PPFIA2: variants seen among roughly 807,000 people sequenced by gnomAD.
The protein encoded by PPFIA2 is liprin-alpha-2.
A neutral mutation model predicts 175.5 loss-of-function variants in PPFIA2; 46 were observed. The ratio of observed to expected loss-of-function variants is 0.26; its 90% CI spans 0.21 to 0.34. The LOEUF (loss-of-function observed/expected upper bound fraction) is 0.34. Ranked by LOEUF, PPFIA2 falls within the 10% of genes least tolerant of loss-of-function variation. PPFIA2 has a pLI of 1.00. For missense variants in PPFIA2, 1,179 were observed against 1,506.1 expected (o/e 0.78, Z 3.60); for synonymous variants, 568 against 511.4 (o/e 1.11, Z -1.49).
intron 22 of PPFIA2, among the ~76,000 whole-genome samples, chr12:81,307,389 A>C (rs1489474110): frequency 1.3e-5 from 2 of 152,202 alleles, no homozygotes; most frequent in Non-Finnish European, 2.9e-5. Flanking sequence ...CAATGTTGAC[A>C]ATCACCTAGG....
intron 14 of PPFIA2, among the ~76,000 whole-genome samples, chr12:81,364,511 G>A (rs2032388101): frequency 6.6e-6 from 1 of 151,768 alleles, no homozygotes; most frequent in African/African-American, 2.4e-5. Flanking sequence ...TGCCTTCCAA[G>A]TAGTTAGGAG....
intron 24 of PPFIA2, among the ~76,000 whole-genome samples, chr12:81,285,289 C>G (rs1593861821): frequency 6.6e-6 from 1 of 152,014 alleles, no homozygotes; most frequent in South Asian, 2.1e-4. Context: ...AAATTTACAT[C>G]CTATATATTA....
intron 21 of PPFIA2, among the ~76,000 whole-genome samples, chr12:81,329,901 T>C (rs1448697288): frequency 6.6e-6 from 1 of 152,224 alleles, no homozygotes; most frequent in Non-Finnish European, 1.5e-5. Flanking sequence ...CTTGCCCAGA[T>C]GGCACTGCCA....
At chr12:81,262,751 CTTGT>C (rs1268603986) in intron 31 of PPFIA2, among the ~76,000 whole-genome samples, 5 of 152,068 alleles carry the variant, frequency 3.3e-5, no homozygotes, top group Admixed American at 6.6e-5. Flanking sequence ...ATGTTCATGG[CTTGT>C]TTATTTAAGG....
At chr12:81,668,271 C>G (rs965863196) in intron 4 of PPFIA2, among the ~76,000 whole-genome samples, 1 of 152,002 alleles carries the variant, frequency 6.6e-6, no homozygotes, top group African/African-American at 2.4e-5. Flanking sequence ...ATCAGTCTGG[C>G]CCATGGGAAG....
chr12:81,527,386 A>G (rs2063854861), intron 4 of PPFIA2, among the ~76,000 whole-genome samples: 1 of 152,034 alleles, frequency 6.6e-6, no homozygotes, highest in African/African-American at 2.4e-5. Flanking sequence ...GCTTCTGTTT[A>G]GAGTAAAATT....
At chr12:81,737,776 A>G (rs1009948117) in intron 3 of PPFIA2, among the ~76,000 whole-genome samples, 5 of 152,030 alleles carry the variant, frequency 3.3e-5, no homozygotes, top group Non-Finnish European at 5.9e-5. Flanking sequence ...AGAGAAAATT[A>G]GTGAACTAAA....
chr12:81,343,579 G>A (rs1387066250), intron 19 of PPFIA2, among the ~76,000 whole-genome samples: 8 of 151,876 alleles, frequency 5.3e-5, no homozygotes, highest in Admixed American at 1.3e-4. Context: ...CCAATGTTTG[G>A]GTGTAAGCTG....
intron 22 of PPFIA2, among the ~76,000 whole-genome samples, chr12:81,310,819 A>G (rs1302044888): frequency 1.3e-5 from 2 of 152,142 alleles, no homozygotes; most frequent in Non-Finnish European, 2.9e-5. Flanking sequence ...TACATCACCA[A>G]GTCATTTTGG....
intron 22 of PPFIA2, among the ~76,000 whole-genome samples, chr12:81,316,916 C>T (rs989692290): frequency 6.7e-6 from 1 of 150,212 alleles, no homozygotes; most frequent in African/African-American, 2.4e-5. Context: ...CCAAGGAAAA[C>T]TGGGCTCTGG....
chr12:81,598,561 C>T (rs1029170514), intron 4 of PPFIA2, among the ~76,000 whole-genome samples: 3 of 151,962 alleles, frequency 2.0e-5, no homozygotes, highest in Non-Finnish European at 2.9e-5. Context: ...TGTTTTATCA[C>T]TCTTATTTCT....
At chr12:81,370,567 C>T (rs2034818396) in intron 11 of PPFIA2, among the ~76,000 whole-genome samples, 1 of 151,770 alleles carries the variant, frequency 6.6e-6, no homozygotes, top group African/African-American at 2.4e-5. Context: ...GGGGCCAATC[C>T]CAAACTGTTC....
At position 81,307,711 on chromosome 12, in the gene PPFIA2, C is replaced by G. The variant is rs1384595190; in HGVS notation, c.2643-8329G>C. Among the ~76,000 whole-genome samples the G allele has an allele frequency of 5.3e-5, 8 of 152,236 alleles. No homozygotes were observed. The East Asian group carries it at 1.5e-3, about 29-fold the overall frequency. On this transcript the variant is annotated intron_variant, in intron 22 of 32. Transcript: ENST00000549396. Reference sequence around the variant, plus strand: ...CCTAAACACAAATCTTTTTGTAAGACTCACCTGTTTAAAAGCCTCCCTGAC... The same window carrying G: ...CCTAAACACAAATCTTTTTGTAAGAGTCACCTGTTTAAAAGCCTCCCTGAC...
chr12:81,374,008 T>C (rs2035803928), intron 11 of PPFIA2, among the ~76,000 whole-genome samples: 1 of 152,104 alleles, frequency 6.6e-6, no homozygotes, highest in Non-Finnish European at 1.5e-5. Flanking sequence ...GAGGTCAGAA[T>C]AGTTCTTTTT....
intron 8 of PPFIA2, among the ~76,000 whole-genome samples, chr12:81,384,978 G>A (rs957272647): frequency 2.6e-5 from 4 of 151,834 alleles, no homozygotes; most frequent in African/African-American, 4.8e-5. Flanking sequence ...GCTAAAGTCC[G>A]AAATATATAA....
chr12:81,542,397 G>A (rs1170455438), intron 4 of PPFIA2, among the ~76,000 whole-genome samples: 3 of 152,122 alleles, frequency 2.0e-5, no homozygotes, highest in Admixed American at 6.6e-5. Context: ...AATTTATATC[G>A]TTTTAAGCCA....
rs1383052661 is a variant in PPFIA2, at chr12:81,258,109, T to A, written c.*1585A>T. 1.3e-5 allele frequency: 2 copies of A among 152,006 alleles called. No homozygotes were observed. Among genetic ancestry groups the A allele is most frequent in the Non-Finnish European group, 2.9e-5 (2 of 67,982 alleles). The allele number at this position is 152,006 out of a possible 1,614,324, so 9.4% of individuals were successfully genotyped here. On this transcript the variant is annotated 3_prime_UTR_variant, in exon 33 of 33. Coordinates refer to ENST00000549396, the MANE Select transcript of PPFIA2 (RefSeq NM_003625.5). ...CTCAGGCCACATTTTTAGAAAAAAA[T>A]TTTAAGATCACTCCCATAAGCAAGT...
intron 7 of PPFIA2, among the ~76,000 whole-genome samples, chr12:81,435,110 A>G (rs942006245): frequency 3.9e-5 from 6 of 152,206 alleles, no homozygotes; most frequent in Non-Finnish European, 5.9e-5. Context: ...ACTTTATTAC[A>G]TTAATGTGCC....
At chr12:81,757,190 C>A (rs977633083) in intron 2 of PPFIA2, among the ~76,000 whole-genome samples, 3 of 152,010 alleles carry the variant, frequency 2.0e-5, no homozygotes, top group African/African-American at 7.2e-5. Context: ...AGTTAAACAC[C>A]CTTTTAAAAA....
Sources: gnomAD v4.1 joint callset for allele counts (sites outside exome capture counted in the v4.1 genomes callset) on GRCh38, gnomAD v4.1.1 for gene constraint, MANE v1.5 for transcripts, NCBI Gene and HGNC (gene_info 2026-07-23, HGNC 2026-07-21) for gene names.